The following PLCB4 variants were observed in gnomAD, a reference collection of about 807,000 sequenced individuals.
PLCB4 encodes phospholipase C beta 4.
A neutral mutation model predicts 178.8 loss-of-function variants in PLCB4; 77 were observed. That is an observed-to-expected ratio of 0.43 (90% CI 0.36 to 0.52). The LOEUF is 0.52. Ranked by LOEUF, PLCB4 falls within the 20% of genes least tolerant of loss-of-function variation. PLCB4 has a pLI of 0.00. For missense variants in PLCB4, 1,024 were observed against 1,453.4 expected, an observed-to-expected ratio of 0.70 and a Z score of 4.80; for synonymous variants, 496 against 490.8, an observed-to-expected ratio of 1.01 and a Z score of -0.14.
intron 36 of PLCB4, among the ~76,000 whole-genome samples, chr20:9,471,700 T>C (rs1377026380): frequency 6.6e-6 from 1 of 152,064 alleles, no homozygotes; most frequent in Non-Finnish European, 1.5e-5. Context: ...GACAATAAGC[T>C]CCATTCCATA....
intron 35 of PLCB4, among the ~76,000 whole-genome samples, chr20:9,463,899 G>A (rs2043581908): frequency 6.6e-6 from 1 of 152,054 alleles, no homozygotes; most frequent in South Asian, 2.1e-4. Context: ...AGATATCCAG[G>A]ACTTGAACTC....
chr20:9,453,473 T>C lies in PLCB4; in HGVS notation c.2996+11T>C, dbSNP rs755478201. ...AATGAAGAAGAAGGGGTAATACTGT[T>C]TATTTCCTTCTGAAGACTTTCTCTA... On this transcript the variant is annotated intron_variant, in intron 33 of 39. Transcript: ENST00000378473. The C allele has an allele frequency of 3.9e-5, 55 of 1,420,356 alleles. No individual in the cohort carries two copies. The highest frequency in any genetic ancestry group is 1.9e-4 in the Admixed American group (11 of 58,642). 88.0% of individuals were successfully genotyped at this position (1,420,356 alleles called of 1,614,324 possible). A position where few individuals can be genotyped will look rare whatever the true frequency, so the allele number is the denominator to read the frequency against.
chr20:9,469,739 G>A (rs6140943), intron 36 of PLCB4, among the ~76,000 whole-genome samples: 1 of 152,200 alleles, frequency 6.6e-6, no homozygotes, highest in African/African-American at 2.4e-5. Flanking sequence ...CTGGGGGGAA[G>A]GTTTGTGTGT....
intron 4 of PLCB4, among the ~76,000 whole-genome samples, chr20:9,336,732 A>C (rs1189525637): frequency 3.3e-5 from 4 of 122,112 alleles, no homozygotes; most frequent in East Asian, 2.0e-4. Flanking sequence ...TTTTACAGAC[A>C]AAAAAAAAAA....
chr20:9,203,847 G>A (rs1212063375), intron 2 of PLCB4, among the ~76,000 whole-genome samples: 1 of 136,538 alleles, frequency 7.3e-6, no homozygotes, highest in African/African-American at 2.7e-5. Flanking sequence ...GATTGCACTG[G>A]TCTTTTGAGA....
chr20:9,115,289 G>A (rs2091736068), intron 2 of PLCB4, among the ~76,000 whole-genome samples: 1 of 152,040 alleles, frequency 6.6e-6, no homozygotes, highest in Non-Finnish European at 1.5e-5. Context: ...AGAAACTGAG[G>A]TGGAATGTGT....
intron 18 of PLCB4, among the ~76,000 whole-genome samples, chr20:9,395,099 TA>T (rs2038462723): frequency 6.6e-6 from 1 of 152,218 alleles, no homozygotes; most frequent in Non-Finnish European, 1.5e-5. Flanking sequence ...CAGTTGCAAA[TA>T]TTTTTTCCTG....
intron 3 of PLCB4, among the ~76,000 whole-genome samples, chr20:9,268,670 G>C (rs191036897): frequency 1.3e-5 from 2 of 152,198 alleles, no homozygotes; most frequent in African/African-American, 4.8e-5. Context: ...AAGGGGGAAA[G>C]ACTATCAACA....
chr20:9,218,351 C>T (rs1180192885), intron 3 of PLCB4, among the ~76,000 whole-genome samples: 1 of 152,138 alleles, frequency 6.6e-6, no homozygotes, highest in African/African-American at 2.4e-5. Context: ...GTGATCTGCC[C>T]ACCTCGGCCT....
intron 14 of PLCB4, among the ~76,000 whole-genome samples, chr20:9,385,640 G>A (rs953324949): frequency 1.1e-4 from 15 of 142,398 alleles, no homozygotes; most frequent in Non-Finnish European, 1.8e-4. Flanking sequence ...GGGCAGAGGC[G>A]CTCCTCACCT....
chr20:9,168,225 T>C (rs2093004672), intron 2 of PLCB4, among the ~76,000 whole-genome samples: 1 of 152,222 alleles, frequency 6.6e-6, no homozygotes, highest in Admixed American at 6.5e-5. Context: ...GTGTTTTATC[T>C]TTATAGACTC....
At chr20:9,094,261 G>T (rs976074119) in intron 1 of PLCB4, among the ~76,000 whole-genome samples, 1 of 152,040 alleles carries the variant, frequency 6.6e-6, no homozygotes, top group Non-Finnish European at 1.5e-5. Flanking sequence ...AGAAACAGAA[G>T]ATTTATTGCA....
intron 30 of PLCB4, among the ~76,000 whole-genome samples, chr20:9,441,576 G>T (rs1341923370): frequency 6.6e-6 from 1 of 152,216 alleles, no homozygotes; most frequent in African/African-American, 2.4e-5. Context: ...CCAGTTGCCA[G>T]TAGGCACCTG....
At chr20:9,231,744 T>A (rs374889778) in intron 3 of PLCB4, among the ~76,000 whole-genome samples, 17 of 152,160 alleles carry the variant, frequency 1.1e-4, no homozygotes, top group African/African-American at 3.6e-4. Flanking sequence ...TCTTGGCAGA[T>A]TCTTATATAG....
chr20:9,254,265 T>C (rs1357248019), intron 3 of PLCB4, among the ~76,000 whole-genome samples: 1 of 152,250 alleles, frequency 6.6e-6, no homozygotes, highest in Non-Finnish European at 1.5e-5. Flanking sequence ...ATATAGGAGT[T>C]AGCCAACAAA....
chr20:9,359,949 A>C (rs1251252875), intron 7 of PLCB4, among the ~76,000 whole-genome samples: 1 of 152,234 alleles, frequency 6.6e-6, no homozygotes, highest in African/African-American at 2.4e-5. Flanking sequence ...AAGAATCATT[A>C]ATATTTTTCC....
intron 7 of PLCB4, 65 bp from the exon 8 acceptor site, chr20:9,362,830 AT>A: frequency 2.1e-6 from 2 of 966,010 alleles, no homozygotes; most frequent in Non-Finnish European, 3.3e-6. Context: ...AATCTATCTA[AT>A]AAAAACTGCT....
At chr20:9,320,098 A>G (rs1360941650) in intron 4 of PLCB4, among the ~76,000 whole-genome samples, 1 of 152,184 alleles carries the variant, frequency 6.6e-6, no homozygotes, top group Non-Finnish European at 1.5e-5. Context: ...AAAGAAACAG[A>G]AGAATCGCTA....
chr20:9,341,562 C>T (rs921841206), intron 7 of PLCB4, among the ~76,000 whole-genome samples: 2 of 151,532 alleles, frequency 1.3e-5, no homozygotes, highest in African/African-American at 4.9e-5. Context: ...GTTGAGTAAG[C>T]AGAGGAGGAA....
Sources: allele counts gnomAD v4.1 joint callset (sites outside exome capture counted in the v4.1 genomes callset), GRCh38; gene constraint gnomAD v4.1.1; transcripts MANE v1.5; gene names NCBI Gene and HGNC (gene_info 2026-07-23, HGNC 2026-07-21).